The following ENOX1 variants were observed in gnomAD, a reference collection of about 807,000 sequenced individuals.
ENOX1 encodes the protein ecto-NOX disulfide-thiol exchanger 1.
A neutral mutation model predicts 82.5 loss-of-function variants in ENOX1; 42 were observed. The ratio of observed to expected loss-of-function variants is 0.51; its 90% confidence interval spans 0.40 to 0.66. ENOX1 has a LOEUF of 0.66. Among genes scored for constraint, ENOX1 ranks in the 30% least tolerant of loss-of-function variants. The pLI is 0.00. For missense variants in ENOX1, 608 were observed against 811.6 expected (o/e 0.75, Z 3.05); for synonymous variants, 271 against 282.2 (o/e 0.96, Z 0.40).
chr13:43,440,683 G>T (rs2056311683), intron 3 of ENOX1, among the ~76,000 whole-genome samples: 1 of 151,994 alleles, frequency 6.6e-6, no homozygotes, highest in South Asian at 2.1e-4. Flanking sequence ...CCTAAAACTA[G>T]AATGCTATAA....
intron 2 of ENOX1, among the ~76,000 whole-genome samples, chr13:43,517,359 G>A (rs532947404): frequency 6.6e-5 from 10 of 152,206 alleles, no homozygotes; most frequent in East Asian, 5.8e-4. Flanking sequence ...TTAGCTGGGC[G>A]TGGTGGTAGG....
intron 1 of ENOX1, among the ~76,000 whole-genome samples, chr13:43,691,716 T>TTC (rs1566779297): frequency 6.6e-6 from 1 of 150,840 alleles, no homozygotes; most frequent in Non-Finnish European, 1.5e-5. Context: ...TTTTTTTTTT[T>TTC]CCGAGACAGA....
chr13:43,366,282 CT>C (rs71671308), intron 5 of ENOX1, among the ~76,000 whole-genome samples: 28 of 148,818 alleles, frequency 1.9e-4, no homozygotes, highest in Non-Finnish European at 1.3e-4. Context: ...GGCTGACCAG[CT>C]TTTTTTTTTT....
At chr13:43,486,464 A>C (rs2076422193) in intron 2 of ENOX1, among the ~76,000 whole-genome samples, 1 of 152,234 alleles carries the variant, frequency 6.6e-6, no homozygotes, top group African/African-American at 2.4e-5. Context: ...TAGTAGGCCC[A>C]GTTTTTATAA....
At chr13:43,259,129 G>A (rs995527924) in intron 14 of ENOX1, among the ~76,000 whole-genome samples, 1 of 152,152 alleles carries the variant, frequency 6.6e-6, no homozygotes, top group African/African-American at 2.4e-5. Context: ...TACCCTATGA[G>A]GTAGGTATGG....
At chr13:43,399,783 T>C (rs2053386387) in intron 5 of ENOX1, among the ~76,000 whole-genome samples, 1 of 152,198 alleles carries the variant, frequency 6.6e-6, no homozygotes, top group East Asian at 1.9e-4. Context: ...AGTTCCTCAA[T>C]GTTGAAGGAA....
intron 3 of ENOX1, among the ~76,000 whole-genome samples, chr13:43,418,193 T>A (rs2054748072): frequency 9.5e-5 from 14 of 147,514 alleles, no homozygotes; most frequent in Admixed American, 9.4e-4. Context: ...GTTGCCAGAG[T>A]GAGACTCCAT....
chr13:43,282,450 T>G (rs1227033320), intron 12 of ENOX1, among the ~76,000 whole-genome samples: 1 of 146,330 alleles, frequency 6.8e-6, no homozygotes, highest in Non-Finnish European at 1.5e-5. Flanking sequence ...GTATTCTTTT[T>G]TCTTTTTTTT....
chr13:43,545,546 C>T (rs908932842), intron 2 of ENOX1: 1 of 152,230 alleles, frequency 6.6e-6, no homozygotes, highest in African/African-American at 2.4e-5. Context: ...GCCCCAGTCA[C>T]CGTGAGGGGT....
intron 5 of ENOX1, among the ~76,000 whole-genome samples, chr13:43,373,511 G>A (rs2051388174): frequency 6.6e-6 from 1 of 152,064 alleles, no homozygotes; most frequent in Non-Finnish European, 1.5e-5. Flanking sequence ...CTTAAACTGA[G>A]TTTTCCCTTT....
intron 2 of ENOX1, among the ~76,000 whole-genome samples, chr13:43,625,407 T>C (rs1029826469): frequency 4.6e-5 from 7 of 152,060 alleles, no homozygotes; most frequent in African/African-American, 1.4e-4. Flanking sequence ...ATCCTTGCCT[T>C]GTTCTCAATC....
At chr13:43,339,073 G>A (rs1294726393) in intron 9 of ENOX1, among the ~76,000 whole-genome samples, 1 of 152,098 alleles carries the variant, frequency 6.6e-6, no homozygotes, top group East Asian at 1.9e-4. Flanking sequence ...AGCTGGTCCT[G>A]GGGTGAAGAC....
Position 43,236,733 on chromosome 13 carries a change from G to T in ENOX1, c.1617C>A (p.Ile539=). Residue 539 remains isoleucine, a synonymous_variant, in exon 15 of 17, where the codon ATC becomes ATA. Transcript: ENST00000690772. ...NGHSHEDSNE[I]NVLTVALVNQ... is the part of the protein sequence containing the mutation. Reference sequence around the variant, plus strand: ...TGACTAATGCAACTGTCAACACATTGATTTCCTATAAAGTTAAAAGCCAAA... The same window carrying T: ...TGACTAATGCAACTGTCAACACATTTATTTCCTATAAAGTTAAAAGCCAAA... 1 of 1,567,774 alleles carries T rather than the reference G, an allele frequency of 6.4e-7. No homozygotes were observed. The highest frequency in any genetic ancestry group is 8.6e-7 in the Non-Finnish European group (1 of 1,166,058).
intron 12 of ENOX1, among the ~76,000 whole-genome samples, chr13:43,294,160 A>G (rs972459020): frequency 1.3e-5 from 2 of 152,126 alleles, no homozygotes; most frequent in African/African-American, 4.8e-5. Context: ...TTCAGACTAG[A>G]TTTAACACTG....
At chr13:43,671,784 C>T (rs2085280951) in intron 1 of ENOX1, among the ~76,000 whole-genome samples, 1 of 152,128 alleles carries the variant, frequency 6.6e-6, no homozygotes, top group South Asian at 2.1e-4. Flanking sequence ...ATCCCTATCT[C>T]TCTGGATTCA....
chr13:43,309,048 G>A (rs1051138093), intron 11 of ENOX1, among the ~76,000 whole-genome samples: 36 of 145,680 alleles, frequency 2.5e-4, no homozygotes, highest in African/African-American at 9.0e-4. Context: ...TTTTTTTCCA[G>A]AGTCTCGCTG....
chr13:43,308,272 C>T (rs1425091761), intron 11 of ENOX1, among the ~76,000 whole-genome samples: 1 of 152,014 alleles, frequency 6.6e-6, no homozygotes, highest in Non-Finnish European at 1.5e-5. Flanking sequence ...CTTAAACTAC[C>T]TCCCTCTCAC....
At chr13:43,332,545 T>TA (rs544658728) in intron 9 of ENOX1, among the ~76,000 whole-genome samples, 32 of 152,058 alleles carry the variant, frequency 2.1e-4, no homozygotes, top group African/African-American at 7.7e-4. Context: ...TCACAGTATA[T>TA]AAAAAAACAG....
At chr13:43,561,187 C>T (rs569087590) in intron 2 of ENOX1, among the ~76,000 whole-genome samples, 1 of 9,506 alleles carries the variant, frequency 1.1e-4, no homozygotes, top group East Asian at 0.014. Flanking sequence ...TTGCACCTAC[C>T]TCTTATCATC....
Sources: gnomAD v4.1 joint callset for allele counts (sites outside exome capture counted in the v4.1 genomes callset) on GRCh38, gnomAD v4.1.1 for gene constraint, MANE v1.5 for transcripts, NCBI Gene and HGNC (gene_info 2026-07-23, HGNC 2026-07-21) for gene names.